Variants in SLC24A1 observed in about 807,000 individuals in gnomAD.
SLC24A1 encodes sodium/potassium/calcium exchanger 1.
A neutral mutation model predicts 88.1 loss-of-function variants in SLC24A1; 52 were observed. The ratio of observed to expected loss-of-function variants is 0.59; its 90% CI spans 0.47 to 0.74. SLC24A1 has a LOEUF of 0.74. Among genes scored for constraint, SLC24A1 ranks in the 30% least tolerant of loss-of-function variants. SLC24A1 has a pLI of 0.00. For missense variants in SLC24A1, 1,173 were observed against 1,363.3 expected (o/e 0.86, Z 2.20); for synonymous variants, 455 against 498.0 (o/e 0.91, Z 1.15).
chr15:65,659,889 TTTGAAATCAA>T (rs780143955), downstream of SLC24A1: 41 of 157,934 alleles, frequency 2.6e-4, 1 homozygote, highest in Non-Finnish European at 4.7e-4. Context: ...TTGTCAGCCA[TTTGAAATCAA>T]TAAACTATGA....
At chr15:65,621,901 AG>A (rs2074331444), upstream of SLC24A1, 1 of 152,278 alleles carries the variant, frequency 6.6e-6, no homozygotes, top group South Asian at 2.1e-4. Context: ...GGTGGGTATT[AG>A]CCACGATCGG....
At chr15:65,611,505 A>C (rs889081739) in exon 1 of SLC24A1, 1 of 385,502 alleles carries the variant, frequency 2.6e-6, no homozygotes, top group Non-Finnish European at 4.9e-6. Context: ...TCCGCTTCAC[A>C]CTTTTGTCCC....
chr15:65,649,556 T>C (rs1380276431), intron 6 of SLC24A1, among the ~76,000 whole-genome samples: 3 of 152,224 alleles, frequency 2.0e-5, no homozygotes, highest in African/African-American at 4.8e-5. Flanking sequence ...ACGTGGACCA[T>C]GGGCAAGTTA....
chr15:65,645,553 C>A, intron 5 of SLC24A1, 59 bp from the exon 6 acceptor site: 1 of 1,338,312 alleles, frequency 7.5e-7, no homozygotes, highest in Non-Finnish European at 1.0e-6. Context: ...AGTGTCTCTG[C>A]CAGCTTCCTT....
In SLC24A1 at chr15:65,650,470, G is replaced by GAGGTGAAACTCAACCAGAAGGTGA; in HGVS notation, c.2332_2355dup (p.Gln778_Thr785dup). ...GAAGGTGAAACTGAAGAGAAAAGTG[G>GAGGTGAAACTCAACCAGAAGGTGA]AGGTGAAACTCAACCAGAAGGTGAA... On this transcript the variant is annotated inframe_insertion, in exon 7 of 10. Coordinates refer to ENST00000261892, the MANE Select transcript of SLC24A1 (RefSeq NM_004727.3). This position sits in a 1 kb window ranked among gnomAD's most constrained non-coding sequence, Gnocchi z 4.1. 1 of 1,551,686 alleles carries GAGGTGAAACTCAACCAGAAGGTGA rather than the reference G, an allele frequency of 6.4e-7. No individual in the cohort carries two copies. The highest frequency in any genetic ancestry group is 1.2e-5 in the South Asian group (1 of 84,058).
Position 65,655,958 on chromosome 15 carries a change from TTC to T in SLC24A1, c.*1881_*1882del, listed in dbSNP as rs1390466485. ...TGAAGAGTATGGAATCATGTTCCAA[TTC>T]TATATTCTTAATTATCCTTATTCCT... On this transcript the variant is annotated 3_prime_UTR_variant, in exon 10 of 10. Transcript: ENST00000261892. 1.1e-5 allele frequency: 11 copies of T among 984,998 alleles called. No homozygotes were observed. The highest frequency in any genetic ancestry group is 4.7e-5 in the South Asian group (1 of 21,278). The allele number at this position is 984,998 out of a possible 1,614,324, so 61.0% of individuals were successfully genotyped here.
chr15:65,655,249 T>C lies in SLC24A1; in HGVS notation c.*1170T>C, dbSNP rs1299236347. 1.0e-6 allele frequency: 1 copy of C among 985,392 alleles called. No homozygotes were observed. Among genetic ancestry groups the C allele is most frequent in the African/African-American group, 1.7e-5 (1 of 57,162 alleles). The allele number at this position is 985,392 out of a possible 1,614,324, so 61.0% of individuals were successfully genotyped here. On this transcript the variant is annotated 3_prime_UTR_variant, in exon 10 of 10. Transcript: ENST00000261892. The stretch of plus-strand genomic sequence containing the variant: ...CCAAAGTCAGTAGCGCCACATCTGG[T>C]TTATAAAGTAAGAGATCCAGTGGGA...
At chr15:65,635,742 C>G (rs2074912057) in intron 2 of SLC24A1, among the ~76,000 whole-genome samples, 1 of 152,196 alleles carries the variant, frequency 6.6e-6, no homozygotes, top group Admixed American at 6.5e-5. Flanking sequence ...AAAGCTTACT[C>G]AAATTCTACC....
rs2075454108 is a variant in SLC24A1, at chr15:65,650,351, C to A, written c.2233-31C>A. On this transcript the variant is annotated intron_variant, in intron 6 of 9. Coordinates refer to ENST00000261892, the MANE Select transcript of SLC24A1 (RefSeq NM_004727.3). The surrounding 1 kb of genome is among the most constrained non-coding windows in gnomAD (Gnocchi z 4.1). ...TAAGGAAAACAAGCAGAGCAGTTACCACACATTAATCTGTTGGTTTTGGAT... is the reference window on the plus strand; with the variant it reads ...TAAGGAAAACAAGCAGAGCAGTTACAACACATTAATCTGTTGGTTTTGGAT... The A allele has an allele frequency of 6.6e-7, 1 of 1,523,898 alleles. No homozygotes were observed. Among genetic ancestry groups the A allele is most frequent in the South Asian group, 1.2e-5 (1 of 82,286 alleles). 94.4% of individuals were successfully genotyped at this position (1,523,898 alleles called of 1,614,324 possible). A position where few individuals can be genotyped will look rare whatever the true frequency, so the allele number is the denominator to read the frequency against.
chr15:65,656,739 G>C (rs879498280), downstream of SLC24A1, among the ~76,000 whole-genome samples: 3 of 152,208 alleles, frequency 2.0e-5, no homozygotes, highest in Non-Finnish European at 4.4e-5. Flanking sequence ...GCACTTCCTT[G>C]AAGGCCCTGA....
chr15:65,623,919 TTAG>T (rs1014760104), intron 1 of SLC24A1, 33 bp from the exon 2 acceptor site: 82 of 592,858 alleles, frequency 1.4e-4, no homozygotes, highest in Admixed American at 3.9e-4. Flanking sequence ...AGATCTCCTC[TTAG>T]TGGTAAATAA....
Position 65,654,705 on chromosome 15 carries a change from T to TTA in SLC24A1, c.*627_*628insAT. 7.8e-7 allele frequency: 1 copy of TTA among 1,279,372 alleles called. No homozygotes were observed. Among genetic ancestry groups the TTA allele is most frequent in the African/African-American group, 1.5e-5 (1 of 64,664 alleles). 79.3% of individuals were successfully genotyped at this position (1,279,372 alleles called of 1,614,324 possible). ...CTGCATCTGGATATATACCAGTATT[T>TTA]TCTTTTTTTTTTTTTTTGAGACAGA... is the stretch of plus-strand genomic sequence containing the variant. On this transcript the variant is annotated 3_prime_UTR_variant, in exon 10 of 10. Transcript: ENST00000261892.
At chr15:65,645,186 C>T (rs1340918739) in intron 5 of SLC24A1, among the ~76,000 whole-genome samples, 2 of 152,242 alleles carry the variant, frequency 1.3e-5, no homozygotes, top group Non-Finnish European at 2.9e-5. Context: ...CTAAACCTAG[C>T]TCTCCAGACT....
At chr15:65,620,680 A>T (rs74021151), upstream of SLC24A1, among the ~76,000 whole-genome samples, 84 of 152,368 alleles carry the variant, frequency 5.5e-4, no homozygotes, top group African/African-American at 1.9e-3. Context: ...ACATTTATGA[A>T]CATATGAGAG....
intron 4 of SLC24A1, among the ~76,000 whole-genome samples, chr15:65,640,482 C>G (rs2075087820): frequency 6.6e-6 from 1 of 152,186 alleles, no homozygotes; most frequent in Non-Finnish European, 1.5e-5. Context: ...CTCTCCTGCT[C>G]TCCTGGAGCC....
chr15:65,648,466 C>T (rs2075383777), intron 6 of SLC24A1, among the ~76,000 whole-genome samples: 1 of 151,896 alleles, frequency 6.6e-6, no homozygotes, highest in South Asian at 2.1e-4. Flanking sequence ...CACTCTGAAT[C>T]AATGGCTTTT....
rs979361477 is a variant in SLC24A1, at chr15:65,655,158, C to T, written c.*1079C>T. 3.0e-6 allele frequency: 3 copies of T among 989,534 alleles called. No homozygotes were observed. The African/African-American group carries it at 5.2e-5, about 17-fold the overall frequency. The allele number at this position is 989,534 out of a possible 1,614,324, so 61.3% of individuals were successfully genotyped here. ...TCTAATGGAATGTCCTGGCTCCACC[C>T]TCCAGCATGTTCTCACCCAACAATG... On this transcript the variant is annotated 3_prime_UTR_variant, in exon 10 of 10. Coordinates refer to ENST00000261892, the MANE Select transcript of SLC24A1 (RefSeq NM_004727.3).
At chr15:65,651,237 A>G (rs141084101) in intron 7 of SLC24A1, among the ~76,000 whole-genome samples, 18 of 152,346 alleles carry the variant, frequency 1.2e-4, no homozygotes, top group African/African-American at 4.3e-4. Flanking sequence ...TAATTTGAGA[A>G]TGATACCACT....
intron 6 of SLC24A1, among the ~76,000 whole-genome samples, chr15:65,649,180 G>T (rs1388144447): frequency 6.6e-6 from 1 of 152,038 alleles, no homozygotes; most frequent in African/African-American, 2.4e-5. Flanking sequence ...TCAGCTCACT[G>T]CAACTTCTAC....
Sources: gnomAD v4.1 joint callset for allele counts (sites outside exome capture counted in the v4.1 genomes callset) on GRCh38, gnomAD v4.1.1 for gene constraint, Gnocchi (gnomAD v3.1) non-coding constraint, MANE v1.5 for transcripts, NCBI Gene and HGNC (gene_info 2026-07-23, HGNC 2026-07-21) for gene names.